The following SERPINB13 variants were observed in gnomAD, a reference collection of about 807,000 sequenced individuals.
The protein encoded by SERPINB13 is serpin family B member 13.
SERPINB13 carries 26 observed loss-of-function variants against 31.2 expected under a neutral mutation model. The observed-to-expected ratio is 0.83, with a 90% CI of 0.61 to 1.15. The LOEUF (loss-of-function observed/expected upper bound fraction) is 1.15, where lower values mean the gene tolerates loss of function less well. SERPINB13 is among the 50% of genes most tolerant of loss of function. The pLI is 0.00. For missense variants in SERPINB13, 510 were observed against 469.4 expected (o/e 1.09, Z -0.80); for synonymous variants, 191 against 172.4 (o/e 1.11, Z -0.85).
At chr18:63,594,922 G>A in intron 6 of SERPINB13, 107 bp from the exon 7 acceptor site, 4 of 1,018,800 alleles carry the variant, frequency 3.9e-6, no homozygotes, top group Non-Finnish European at 5.7e-6. Context: ...CTCTGATATT[G>A]GGTTTTATTT....
At chr18:63,589,935 T>G in intron 3 of SERPINB13, 1 of 896,336 alleles carries the variant, frequency 1.1e-6, no homozygotes, top group Non-Finnish European at 1.6e-6. Context: ...AGACCTTAGG[T>G]GTAATGGACA....
chr18:63,589,451 TCACACACA>T (rs112829867), intron 2 of SERPINB13, among the ~76,000 whole-genome samples, 197 bp from the exon 3 acceptor site: 84 of 112,000 alleles, frequency 7.5e-4, no homozygotes, highest in African/African-American at 2.1e-3. Context: ...CAAAACTCCA[TCACACACA>T]CACACACACA....
intron 1 of SERPINB13, among the ~76,000 whole-genome samples, chr18:63,588,096 T>G (rs958852654): frequency 1.3e-5 from 2 of 152,224 alleles, no homozygotes; most frequent in Admixed American, 6.5e-5. Context: ...TTAAGAGATT[T>G]AATCAATCCT....
At chr18:63,590,836 C>T (rs576515549) in intron 3 of SERPINB13, among the ~76,000 whole-genome samples, 1 of 152,178 alleles carries the variant, frequency 6.6e-6, no homozygotes, top group Non-Finnish European at 1.5e-5. Flanking sequence ...AATAGAATTA[C>T]TGACTGAAAG....
chr18:63,591,745 G>C (rs1483379064), intron 3 of SERPINB13, among the ~76,000 whole-genome samples: 1 of 151,686 alleles, frequency 6.6e-6, no homozygotes, highest in Non-Finnish European at 1.5e-5. Flanking sequence ...AATATTTATT[G>C]TATTTATATG....
In SERPINB13 at chr18:63,598,984, A is replaced by G. The variant is rs192871251; in HGVS notation, c.*1621A>G. ...GCATCTCATGGTGGTTTTAATTTGC[A>G]TTTCCATAATATCTAATTAGGTTGA... is the stretch of plus-strand genomic sequence containing the variant. On this transcript the variant is annotated 3_prime_UTR_variant, in exon 8 of 8. Transcript: ENST00000344731. 2 of 152,076 alleles carry G rather than the reference A, an allele frequency of 1.3e-5. No homozygotes were observed. Among genetic ancestry groups the G allele is most frequent in the Non-Finnish European group, 2.9e-5 (2 of 67,984 alleles). The allele number at this position is 152,076 out of a possible 1,614,324, so 9.4% of individuals were successfully genotyped here. A position where few individuals can be genotyped will look rare whatever the true frequency, so the allele number is the denominator to read the frequency against.
chr18:63,590,760 T>G (rs1164940063), intron 3 of SERPINB13, among the ~76,000 whole-genome samples: 1 of 152,220 alleles, frequency 6.6e-6, no homozygotes, highest in Non-Finnish European at 1.5e-5. Flanking sequence ...AGCTTACACA[T>G]ACATGCTGTC....
chr18:63,596,588 G>T (rs1194082683), intron 7 of SERPINB13, among the ~76,000 whole-genome samples: 1 of 152,132 alleles, frequency 6.6e-6, no homozygotes, highest in East Asian at 1.9e-4. Context: ...GCAATATTGT[G>T]AAAAAGTTTA....
At chr18:63,594,620 C>A in intron 6 of SERPINB13, 123 bp downstream of exon 6, 1 of 1,014,174 alleles carries the variant, frequency 9.9e-7, no homozygotes, top group Non-Finnish European at 1.4e-6. Flanking sequence ...GTGGGTGGAT[C>A]ATGAGATCAA....
chr18:63,595,793 G>A (rs995945979), intron 7 of SERPINB13, among the ~76,000 whole-genome samples: 5 of 152,042 alleles, frequency 3.3e-5, no homozygotes, highest in Admixed American at 1.3e-4. Flanking sequence ...CAGCTACTCG[G>A]GAGGCTGAGA....
intron 5 of SERPINB13, among the ~76,000 whole-genome samples, chr18:63,593,207 T>C (rs551601813): frequency 2.0e-5 from 3 of 152,028 alleles, no homozygotes; most frequent in African/African-American, 7.2e-5. Context: ...TTTCAGCAAA[T>C]GTGGAGCGGC....
chr18:63,588,286 C>T (rs543698466), intron 1 of SERPINB13, among the ~76,000 whole-genome samples: 6 of 152,280 alleles, frequency 3.9e-5, no homozygotes, highest in East Asian at 3.9e-4. Flanking sequence ...AAACTGGTGT[C>T]GCCTGGACAA....
In SERPINB13 at chr18:63,594,459, A is replaced by G; in HGVS notation, c.577A>G (p.Lys193Glu). ...FKGQWDREFK[K>E]ENTKEEKFWM... ...AGGGCAATGGGACAGGGAGTTTAAG[A>G]AAGAAAATACTAAGGAAGAGAAATT... is the stretch of plus-strand genomic sequence containing the variant. The change falls in exon 6 of 8, where the codon AAA becomes GAA. Residue 193 changes from lysine to glutamate, a missense_variant. Lys to Glu is a moderately conservative substitution (Grantham distance 56, BLOSUM62 1). Coordinates refer to ENST00000344731, the MANE Select transcript of SERPINB13 (RefSeq NM_012397.4). The G allele has an allele frequency of 6.2e-7, 1 of 1,614,176 alleles. No individual in the cohort carries two copies. The highest frequency in any genetic ancestry group is 8.5e-7 in the Non-Finnish European group (1 of 1,180,012).
chr18:63,593,065 C>T (rs1432756297), intron 5 of SERPINB13, 94 bp downstream of exon 5: 12 of 803,602 alleles, frequency 1.5e-5, no homozygotes, highest in East Asian at 2.5e-5. Context: ...TGAATGAAGC[C>T]CTGGACTTGT....
Position 63,592,434 on chromosome 18 carries a change from A to C in SERPINB13, c.312A>C (p.Ile104=). 6.2e-7 allele frequency: 1 copy of C among 1,613,692 alleles called. No individual in the cohort carries two copies. Residue 104 remains isoleucine (I), a synonymous_variant, in exon 4 of 8, where the codon ATA becomes ATC. Transcript: ENST00000344731. The part of the protein sequence containing the change: ...SKLTNDYELN[I]TNRLFGEKTY... ...TCACTAATGATTATGAACTGAACAT[A>C]ACCAACAGGCTGTTTGGAGAAAAAA...
Position 63,594,371 on chromosome 18 carries a change from G to T in SERPINB13, c.489G>T (p.Leu163Phe), listed in dbSNP as rs199653578. 6.2e-7 allele frequency: 1 copy of T among 1,614,014 alleles called. No homozygotes were observed. Among genetic ancestry groups the T allele is most frequent in the East Asian group, 2.2e-5 (1 of 44,874 alleles). ...ESKTNEKIKDLFPDGSISSST... is the reference protein window; with the variant it reads ...ESKTNEKIKDFFPDGSISSST... ...CATTTGCAGAAAAAATCAAGGACTT[G>T]TTCCCAGATGGCTCTATTAGTAGCT... Residue 163 changes from leucine to phenylalanine, a missense_variant, in exon 6 of 8, where the codon TTG becomes TTT. By Grantham distance (22) the Leu-to-Phe change is conservative (BLOSUM62 0). Coordinates refer to ENST00000344731, the MANE Select transcript of SERPINB13 (RefSeq NM_012397.4).
chr18:63,589,109 A>G (rs972900628), intron 2 of SERPINB13, among the ~76,000 whole-genome samples: 1 of 152,170 alleles, frequency 6.6e-6, no homozygotes, highest in African/African-American at 2.4e-5. Context: ...AAGTGACATA[A>G]TCCCCACAAG....
At chr18:63,593,734 C>T (rs2144402829) in intron 5 of SERPINB13, among the ~76,000 whole-genome samples, 1 of 151,664 alleles carries the variant, frequency 6.6e-6, no homozygotes, top group Middle Eastern at 3.4e-3. Flanking sequence ...CATGCTTGGT[C>T]TGAAGAAAGG....
At position 63,595,010 on chromosome 18, in the gene SERPINB13, C is replaced by A. The variant is rs1912078174; in HGVS notation, c.616-19C>A. The stretch of plus-strand genomic sequence containing the variant: ...GTCTTATGTCCTTTGATATTGTGTG[C>A]TCTGTTAATTTGTTGCAGAGCACAA... On this transcript the variant is annotated intron_variant, in intron 6 of 7. Transcript: ENST00000344731. The A allele has an allele frequency of 6.9e-6, 11 of 1,595,932 alleles. No individual in the cohort carries two copies. The highest frequency in any genetic ancestry group is 9.4e-6 in the Non-Finnish European group (11 of 1,173,636).
Sources: gnomAD v4.1 joint callset for allele counts (sites outside exome capture counted in the v4.1 genomes callset) on GRCh38, gnomAD v4.1.1 for gene constraint, MANE v1.5 for transcripts, NCBI Gene and HGNC (gene_info 2026-07-23, HGNC 2026-07-21) for gene names.